Variants in MYO16 observed in about 807,000 individuals in gnomAD.
MYO16 encodes the protein myosin XVI.
MYO16 carries 94 observed loss-of-function variants against 205.3 expected under a neutral mutation model. The ratio of observed to expected loss-of-function variants is 0.46; its 90% CI spans 0.39 to 0.54. The LOEUF is 0.54. Among genes scored for constraint, MYO16 ranks in the 20% least tolerant of loss-of-function variants. MYO16 has a pLI of 0.00. For synonymous variants in MYO16, 988 were observed against 954.0 expected (o/e 1.04, Z -0.66); for missense variants, 2,315 against 2,387.5 (o/e 0.97, Z 0.63).
At chr13:109,086,323 C>A (rs1888434826) in intron 27 of MYO16, among the ~76,000 whole-genome samples, 1 of 152,122 alleles carries the variant, frequency 6.6e-6, no homozygotes, top group African/African-American at 2.4e-5. Context: ...CAGTACCAAG[C>A]ACGATGTTGT....
At chr13:108,760,745 G>A (rs946696693) in intron 4 of MYO16, among the ~76,000 whole-genome samples, 3 of 152,134 alleles carry the variant, frequency 2.0e-5, no homozygotes, top group Non-Finnish European at 2.9e-5. Context: ...GGCTGGGAAG[G>A]GGAAGAGGAA....
At chr13:109,189,396 C>T (rs1182481360) in intron 34 of MYO16, among the ~76,000 whole-genome samples, 2 of 152,194 alleles carry the variant, frequency 1.3e-5, no homozygotes, top group African/African-American at 2.4e-5. Context: ...AGTTTTATTA[C>T]GTGTTTTTCT....
At chr13:108,860,010 CTTTTTT>C (rs111789965) in intron 11 of MYO16, among the ~76,000 whole-genome samples, 1 of 146,524 alleles carries the variant, frequency 6.8e-6, no homozygotes, top group African/African-American at 2.5e-5. Context: ...AGCAGAGCCT[CTTTTTT>C]TTTTTAACTT....
At chr13:108,657,720 G>A (rs775847606) in intron 1 of MYO16, among the ~76,000 whole-genome samples, 2 of 152,084 alleles carry the variant, frequency 1.3e-5, no homozygotes, top group Non-Finnish European at 2.9e-5. Flanking sequence ...ACTCCTAATA[G>A]CTGACTCATA....
intron 15 of MYO16, among the ~76,000 whole-genome samples, chr13:108,900,491 A>G (rs1423638013): frequency 6.6e-6 from 1 of 152,212 alleles, no homozygotes; most frequent in African/African-American, 2.4e-5. Context: ...TGAAGATTTC[A>G]TGGACATTTA....
chr13:109,100,717 C>A, intron 27 of MYO16, 68 bp from the exon 28 acceptor site: 2 of 1,262,612 alleles, frequency 1.6e-6, no homozygotes, highest in Non-Finnish European at 2.3e-6. Context: ...ACAAAGACAG[C>A]CCTGTTGAAT....
chr13:109,080,863 A>G (rs1024307973), intron 27 of MYO16, among the ~76,000 whole-genome samples: 3 of 152,186 alleles, frequency 2.0e-5, no homozygotes, highest in Non-Finnish European at 2.9e-5. Context: ...CTGTGTGACC[A>G]TTTATCAGGT....
chr13:108,637,594 G>T (rs773423281), intron 1 of MYO16, among the ~76,000 whole-genome samples: 1 of 152,120 alleles, frequency 6.6e-6, no homozygotes, highest in African/African-American at 2.4e-5. Context: ...TATAAAGATG[G>T]CTGGGCACAG....
At chr13:108,529,172 AT>A in the MYO16 span, among the ~76,000 whole-genome samples, 2 of 152,184 alleles carry the variant, frequency 1.3e-5, no homozygotes, top group Non-Finnish European at 2.9e-5. Flanking sequence ...ATTTCCTTAT[AT>A]TTTTTATTGT....
chr13:109,055,505 C>T lies in MYO16; in HGVS notation c.3245C>T (p.Ala1082Val). The change falls in exon 27 of 35, where the codon GCT (alanine) becomes GTT (valine). Residue 1082 changes from alanine to valine, a missense_variant. This residue lies in a region of MYO16 where 1,097 missense variants were observed against 1,092.0 expected (regional missense o/e 1.00). Transcript: ENST00000457511. This position sits in a 1 kb window ranked among gnomAD's most constrained non-coding sequence, Gnocchi z 5.0. ...ACTTTTGATAATTTTTACGTGTCTG[C>T]TCAGCTACAATATATTGGGGTCCTG... is the stretch of plus-strand genomic sequence containing the variant. ...PDTFDNFYVS[A>V]QLQYIGVLEM... is the part of the protein sequence containing the mutation. The T allele has an allele frequency of 6.2e-7, 1 of 1,613,122 alleles. No individual in the cohort carries two copies. The highest frequency in any genetic ancestry group is 8.5e-7 in the Non-Finnish European group (1 of 1,179,352).
chr13:109,101,518 G>A (rs1398994325), intron 28 of MYO16: 1 of 152,196 alleles, frequency 6.6e-6, no homozygotes, highest in Non-Finnish European at 1.5e-5. Flanking sequence ...AATAACCTGA[G>A]ACAAAATTAC....
chr13:108,836,934 C>T (rs967137744), intron 9 of MYO16, among the ~76,000 whole-genome samples: 7 of 151,974 alleles, frequency 4.6e-5, no homozygotes, highest in African/African-American at 1.2e-4. Context: ...TGGACTTTTG[C>T]GTTAATGCTG....
At chr13:109,123,120 T>C (rs1876069480) in intron 29 of MYO16, among the ~76,000 whole-genome samples, 1 of 152,246 alleles carries the variant, frequency 6.6e-6, no homozygotes, top group African/African-American at 2.4e-5. Flanking sequence ...GTCTTCTGAA[T>C]TTGTCTGAAA....
the MYO16 span, among the ~76,000 whole-genome samples, chr13:108,510,455 A>G: frequency 1.7e-5 from 1 of 58,670 alleles, no homozygotes; most frequent in Admixed American, 1.9e-4. Flanking sequence ...TTTAACATTG[A>G]TAGCTGTTTT....
intron 23 of MYO16, among the ~76,000 whole-genome samples, chr13:109,033,841 G>A (rs1400261944): frequency 2.6e-5 from 4 of 152,160 alleles, no homozygotes; most frequent in Non-Finnish European, 4.4e-5. Context: ...ATTGGGCTAT[G>A]AAAAGTGGGC....
intron 4 of MYO16, among the ~76,000 whole-genome samples, chr13:108,775,535 C>G (rs928734223): frequency 2.6e-5 from 4 of 151,896 alleles, no homozygotes; most frequent in African/African-American, 9.7e-5. Flanking sequence ...TAAATAAAAG[C>G]TAACATAATA....
intron 20 of MYO16, among the ~76,000 whole-genome samples, chr13:108,986,841 G>A (rs1328741961): frequency 6.6e-6 from 1 of 152,082 alleles, no homozygotes; most frequent in Non-Finnish European, 1.5e-5. Flanking sequence ...ACCACCAATT[G>A]GAAATAGTTT....
chr13:108,658,553 A>G (rs1299550209), intron 1 of MYO16, among the ~76,000 whole-genome samples: 2 of 151,876 alleles, frequency 1.3e-5, no homozygotes, highest in African/African-American at 4.8e-5. Flanking sequence ...ATTTCTATGA[A>G]TTGCTTTAGT....
At chr13:108,575,749 G>A in the MYO16 span, among the ~76,000 whole-genome samples, 1 of 152,100 alleles carries the variant, frequency 6.6e-6, no homozygotes, top group Admixed American at 6.5e-5. Context: ...TCTTCTCTCT[G>A]TTCCGTGTTT....
Sources: gnomAD v4.1 joint callset for allele counts (sites outside exome capture counted in the v4.1 genomes callset) on GRCh38, gnomAD v4.1.1 for gene constraint, gnomAD v4.1.1 regional missense constraint, Gnocchi (gnomAD v3.1) non-coding constraint, MANE v1.5 for transcripts, NCBI Gene and HGNC (gene_info 2026-07-23, HGNC 2026-07-21) for gene names.